ESRP1: variants seen among roughly 807,000 people sequenced by gnomAD.
ESRP1 encodes RNA-binding motif protein 35A.
ESRP1 carries 33 observed loss-of-function variants against 81.7 expected under a neutral mutation model. The observed-to-expected ratio is 0.40, with a 90% confidence interval of 0.31 to 0.54. The LOEUF (loss-of-function observed/expected upper bound fraction) is 0.54. Among genes scored for constraint, ESRP1 ranks in the 20% least tolerant of loss-of-function variants. The pLI, the probability that ESRP1 is intolerant of heterozygous loss-of-function variation, is 0.41. For synonymous variants in ESRP1, 320 were observed against 303.3 expected (o/e 1.06, Z -0.57); for missense variants, 672 against 833.1 (o/e 0.81, Z 2.38).
At chr8:94,689,387 G>A (rs1429851780) in intron 13 of ESRP1, among the ~76,000 whole-genome samples, 1 of 151,162 alleles carries the variant, frequency 6.6e-6, no homozygotes, top group Non-Finnish European at 1.5e-5. Context: ...GTTTCTCTAA[G>A]TCTATTATTT....
intron 13 of ESRP1, chr8:94,688,552 C>A: frequency 4.7e-6 from 1 of 211,340 alleles, no homozygotes. Context: ...GCTGGCATCA[C>A]AGACCATGAA....
rs567343719 is a variant in ESRP1 at position 94,695,642 on chromosome 8, C to A, written c.1972-1210C>A. On this transcript the variant is annotated intron_variant, in intron 14 of 15. Transcript: ENST00000433389. ...CATCCCAAAGTGCTAGGATTACAGG[C>A]ATGAGCCACCGCAGCTAGCCTATTT... Among the ~76,000 whole-genome samples the A allele has an allele frequency of 3.5e-3, 519 of 147,384 alleles. 1 individual carries two copies. The highest frequency in any genetic ancestry group is 5.4e-3 in the South Asian group (26 of 4,806).
At chr8:94,657,472 CGTGT>C (rs9297944) in intron 4 of ESRP1, among the ~76,000 whole-genome samples, 14,774 of 146,194 alleles carry the variant, frequency 0.1, 870 homozygotes, top group East Asian at 0.16. Context: ...AGGCTGTGTG[CGTGT>C]GTGTGTGTGT....
chr8:94,651,106 G>A (rs1387030736), intron 4 of ESRP1, among the ~76,000 whole-genome samples: 1 of 151,982 alleles, frequency 6.6e-6, no homozygotes, highest in Non-Finnish European at 1.5e-5. Flanking sequence ...TGTGTTTAAG[G>A]CAGACTTTTT....
At chr8:94,683,527 G>A (rs1277189208) in intron 13 of ESRP1, among the ~76,000 whole-genome samples, 1 of 152,166 alleles carries the variant, frequency 6.6e-6, no homozygotes, top group Non-Finnish European at 1.5e-5. Flanking sequence ...ATGGGAATCA[G>A]TTTACTTTCT....
intron 10 of ESRP1, 144 bp downstream of exon 10, chr8:94,668,394 T>C: frequency 1.3e-6 from 1 of 764,664 alleles, no homozygotes; most frequent in Admixed American, 3.3e-5. Flanking sequence ...CTTGATTCTA[T>C]AACCAAGAGA....
chr8:94,654,092 G>C (rs1168583366), intron 4 of ESRP1, among the ~76,000 whole-genome samples: 1 of 152,210 alleles, frequency 6.6e-6, no homozygotes, highest in Non-Finnish European at 1.5e-5. Context: ...GCGGAGGCAG[G>C]TGGATAATGT....
chr8:94,662,588 T>C (rs1314954938), intron 6 of ESRP1, 33 bp downstream of exon 6: 2 of 1,491,310 alleles, frequency 1.3e-6, no homozygotes, highest in Non-Finnish European at 1.8e-6. Context: ...TTTGAGCTTT[T>C]TAACTTGTTT....
intron 15 of ESRP1, among the ~76,000 whole-genome samples, chr8:94,704,765 TGA>T (rs1491226171): frequency 5.3e-5 from 2 of 37,984 alleles, no homozygotes; most frequent in East Asian, 7.3e-4. Flanking sequence ...CATCTCTTTT[TGA>T]AAAAAAAAAA....
At chr8:94,682,670 TAAC>T (rs2130679784) in intron 13 of ESRP1, among the ~76,000 whole-genome samples, 1 of 92,404 alleles carries the variant, frequency 1.1e-5, no homozygotes, top group East Asian at 6.0e-4. Context: ...CCCAGCCAAG[TAAC>T]AACATTTTGC....
Position 94,706,935 on chromosome 8 carries a change from G to C in ESRP1, c.*1046G>C, listed in dbSNP as rs1016538113. The C allele has an allele frequency of 1.3e-5, 2 of 152,206 alleles. No homozygotes were observed. The highest frequency in any genetic ancestry group is 4.8e-5 in the African/African-American group (2 of 41,448). The allele number at this position is 152,206 out of a possible 1,614,324, so 9.4% of individuals were successfully genotyped here. A position where few individuals can be genotyped will look rare whatever the true frequency, so the allele number is the denominator to read the frequency against. On this transcript the variant is annotated 3_prime_UTR_variant, in exon 16 of 16. Coordinates refer to ENST00000433389, the MANE Select transcript of ESRP1 (RefSeq NM_017697.4). ...GACTATAGTCAGCATGCTAGACTGA[G>C]AGGTAAACACTGATGCAATTAGAAC...
chr8:94,688,986 C>T (rs555910435), intron 13 of ESRP1, among the ~76,000 whole-genome samples: 2 of 152,278 alleles, frequency 1.3e-5, no homozygotes, highest in South Asian at 2.1e-4. Flanking sequence ...CATGGTGGCT[C>T]ACGCCTGTAA....
At chr8:94,662,432 C>G (rs1352567768) in intron 5 of ESRP1, 62 bp downstream of exon 5, 3 of 1,542,406 alleles carry the variant, frequency 1.9e-6, no homozygotes, top group Non-Finnish European at 2.6e-6. Context: ...CTTACCTATA[C>G]TCAAATTTCC....
At chr8:94,699,510 G>A (rs1809733543) in intron 15 of ESRP1, among the ~76,000 whole-genome samples, 1 of 151,938 alleles carries the variant, frequency 6.6e-6, no homozygotes, top group Admixed American at 6.6e-5. Flanking sequence ...CCTAGGTGTG[G>A]TGGCATTTAC....
At chr8:94,692,972 C>G (rs1809464696) in intron 14 of ESRP1, 145 bp downstream of exon 14, 8 of 897,542 alleles carry the variant, frequency 8.9e-6, no homozygotes, top group Non-Finnish European at 1.3e-5. Context: ...ACAAATAGAT[C>G]TGGAGTCACT....
chr8:94,674,204 A>T, intron 11 of ESRP1, 104 bp from the exon 12 acceptor site: 1 of 1,277,676 alleles, frequency 7.8e-7, no homozygotes, highest in South Asian at 1.4e-5. Context: ...TGGCTAAAAT[A>T]TCTGTATTAT....
At chr8:94,684,300 G>T (rs1433786888) in intron 13 of ESRP1, among the ~76,000 whole-genome samples, 1 of 152,228 alleles carries the variant, frequency 6.6e-6, no homozygotes, top group Non-Finnish European at 1.5e-5. Context: ...CTGAGTGGTA[G>T]AAGTGCAGGC....
At position 94,695,686 on chromosome 8, in the gene ESRP1, G is replaced by C. The variant is rs150715417; in HGVS notation, c.1972-1166G>C. On this transcript the variant is annotated intron_variant, in intron 14 of 15. Coordinates refer to ENST00000433389, the MANE Select transcript of ESRP1 (RefSeq NM_017697.4). ...CCTATTTTTCTTTTCTATCTGTTCT[G>C]AAGCTGAAGAAATTTGATGGTCTCT... 1.8e-3 allele frequency among the ~76,000 whole-genome samples: 270 copies of C among 146,274 alleles called. 1 individual carries two copies. The highest frequency in any genetic ancestry group is 6.8e-3 in the African/African-American group (246 of 36,094).
At chr8:94,698,399 T>C (rs1303214817) in intron 15 of ESRP1, among the ~76,000 whole-genome samples, 1 of 152,238 alleles carries the variant, frequency 6.6e-6, no homozygotes, top group Non-Finnish European at 1.5e-5. Flanking sequence ...ATTATGTGTT[T>C]AAGTAGATTT....
Sources: allele counts gnomAD v4.1 joint callset (sites outside exome capture counted in the v4.1 genomes callset), GRCh38; gene constraint gnomAD v4.1.1; transcripts MANE v1.5; gene names NCBI Gene and HGNC (gene_info 2026-07-23, HGNC 2026-07-21).